Variants in CUL1 observed in about 807,000 individuals in gnomAD.
CUL1 encodes cullin-1.
CUL1 carries 24 observed loss-of-function variants against 118.0 expected under a neutral mutation model. That is an observed-to-expected ratio of 0.20 (90% confidence interval 0.15 to 0.29). The LOEUF (loss-of-function observed/expected upper bound fraction) is 0.29. CUL1 is among the 10% of genes least tolerant of loss of function. CUL1 has a pLI of 1.00. For missense variants in CUL1, 361 were observed against 933.8 expected (o/e 0.39, Z 7.99); for synonymous variants, 332 against 340.4 (o/e 0.98, Z 0.27).
chr7:148,783,919 G>A (rs760834331), intron 10 of CUL1, 29 bp downstream of exon 10: 1 of 1,613,200 alleles, frequency 6.2e-7, no homozygotes, highest in Non-Finnish European at 8.5e-7. Flanking sequence ...TGACTTGCCT[G>A]TAGTATGTAT....
intron 2 of CUL1, among the ~76,000 whole-genome samples, chr7:148,731,749 A>G (rs1427818031): frequency 6.6e-6 from 1 of 152,186 alleles, no homozygotes; most frequent in East Asian, 1.9e-4. Flanking sequence ...GAATTTGCCC[A>G]TTCTGTACAT....
intron 8 of CUL1, among the ~76,000 whole-genome samples, chr7:148,767,199 A>T (rs1006837599): frequency 3.9e-5 from 6 of 152,216 alleles, no homozygotes; most frequent in African/African-American, 1.4e-4. Flanking sequence ...TATAATTGAG[A>T]TAGAAATCCA....
intron 6 of CUL1, 115 bp downstream of exon 6, chr7:148,759,753 A>G: frequency 2.0e-6 from 1 of 503,236 alleles, no homozygotes; most frequent in South Asian, 4.9e-5. Context: ...TATTGTTAGC[A>G]TTTACGAAGG....
chr7:148,758,462 C>CA (rs2129460488), intron 4 of CUL1, among the ~76,000 whole-genome samples: 1 of 151,768 alleles, frequency 6.6e-6, no homozygotes, highest in South Asian at 2.1e-4. Context: ...ATGAGACCTA[C>CA]AAAAAAAATA....
At chr7:148,747,775 A>C (rs763501238) in intron 2 of CUL1, among the ~76,000 whole-genome samples, 15 of 152,246 alleles carry the variant, frequency 9.9e-5, no homozygotes, top group Non-Finnish European at 2.1e-4. Context: ...TGAAGTCATT[A>C]AAATTAAACA....
intron 17 of CUL1, among the ~76,000 whole-genome samples, chr7:148,794,211 T>G (rs1801108840): frequency 6.6e-6 from 1 of 152,166 alleles, no homozygotes; most frequent in Non-Finnish European, 1.5e-5. Flanking sequence ...TCTTACTTTC[T>G]TATATACACA....
intron 1 of CUL1, among the ~76,000 whole-genome samples, chr7:148,699,378 T>G (rs1797638182): frequency 6.6e-6 from 1 of 151,780 alleles, no homozygotes; most frequent in Admixed American, 6.5e-5. Context: ...GCGACCGGGC[T>G]GGGTTCTCGG....
At chr7:148,726,464 TTAAC>T (rs1302909902) in intron 1 of CUL1, among the ~76,000 whole-genome samples, 9 of 152,360 alleles carry the variant, frequency 5.9e-5, no homozygotes, top group East Asian at 1.9e-4. Context: ...GACTGACTTA[TTAAC>T]TCTTTAAAGC....
At chr7:148,788,531 AAGAC>A (rs1800895370) in intron 13 of CUL1, 22 bp from the exon 14 acceptor site, 1 of 1,438,308 alleles carries the variant, frequency 7.0e-7, no homozygotes, top group African/African-American at 1.4e-5. Context: ...ACAAATTAAT[AAGAC>A]AGTCATCTGG....
intron 1 of CUL1, among the ~76,000 whole-genome samples, chr7:148,706,348 G>T (rs1296203230): frequency 6.6e-6 from 1 of 152,168 alleles, no homozygotes. Flanking sequence ...TCAGCTTTCT[G>T]CTGCTTGGAG....
At chr7:148,736,454 C>A (rs1030465222) in intron 2 of CUL1, among the ~76,000 whole-genome samples, 5 of 152,068 alleles carry the variant, frequency 3.3e-5, no homozygotes, top group Non-Finnish European at 7.4e-5. Context: ...ACTGCAGGCG[C>A]ACACCACCAC....
At chr7:148,788,507 A>G in intron 13 of CUL1, 50 bp from the exon 14 acceptor site, 1 of 1,176,068 alleles carries the variant, frequency 8.5e-7, no homozygotes, top group Non-Finnish European at 1.3e-6. Flanking sequence ...CCTTGTATAC[A>G]TTTGTATTTT....
intron 2 of CUL1, among the ~76,000 whole-genome samples, chr7:148,735,228 C>T (rs979670102): frequency 6.6e-6 from 1 of 152,188 alleles, no homozygotes; most frequent in African/African-American, 2.4e-5. Flanking sequence ...TTCGTGATTG[C>T]TGGGGGTCGG....
intron 1 of CUL1, among the ~76,000 whole-genome samples, chr7:148,719,254 T>C (rs544574627): frequency 6.6e-5 from 10 of 151,846 alleles, no homozygotes; most frequent in African/African-American, 2.4e-4. Flanking sequence ...GAGCTTGCAG[T>C]GAGCCAAGAT....
chr7:148,743,008 A>C (rs1038580349), intron 2 of CUL1, among the ~76,000 whole-genome samples: 3 of 152,220 alleles, frequency 2.0e-5, no homozygotes, highest in Non-Finnish European at 4.4e-5. Flanking sequence ...ATTACCATTT[A>C]ATTCAAAACA....
intron 2 of CUL1, among the ~76,000 whole-genome samples, chr7:148,747,133 G>A (rs538168880): frequency 6.6e-6 from 1 of 152,248 alleles, no homozygotes; most frequent in South Asian, 2.1e-4. Flanking sequence ...CTTCAGAAAC[G>A]GTGTAATTGT....
chr7:148,786,431 TC>T (rs749432052), intron 11 of CUL1, 119 bp from the exon 12 acceptor site: 25 of 732,824 alleles, frequency 3.4e-5, no homozygotes, highest in Non-Finnish European at 4.4e-5. Flanking sequence ...CCTTCCCTCT[TC>T]CTCTGCACTA....
chr7:148,730,570 C>T (rs952822674), intron 2 of CUL1, among the ~76,000 whole-genome samples: 5 of 152,086 alleles, frequency 3.3e-5, no homozygotes, highest in African/African-American at 1.2e-4. Context: ...TAGAAGGTTC[C>T]GTTGGGCAAA....
chr7:148,723,189 C>A (rs1798450057), intron 1 of CUL1, among the ~76,000 whole-genome samples: 1 of 152,148 alleles, frequency 6.6e-6, no homozygotes, highest in African/African-American at 2.4e-5. Flanking sequence ...TCTGGCTGTA[C>A]CTTTGCAGTT....
Sources: allele counts gnomAD v4.1 joint callset (sites outside exome capture counted in the v4.1 genomes callset), GRCh38; gene constraint gnomAD v4.1.1; transcripts MANE v1.5; gene names NCBI Gene and HGNC (gene_info 2026-07-23, HGNC 2026-07-21).